Variants in KCNE1 observed in about 807,000 individuals in gnomAD.
The protein encoded by KCNE1 is potassium voltage-gated channel subfamily E regulatory subunit 1, also known as potassium voltage-gated channel subfamily E member 1.
In KCNE1, 1 loss-of-function variant was observed where a neutral mutation model predicts 2.9. The ratio of observed to expected loss-of-function variants is 0.34; its 90% CI spans 0.12 to 1.62. KCNE1 has a LOEUF of 1.62. Ranked by LOEUF, KCNE1 falls within the 40% of genes most tolerant of loss-of-function variation. The pLI is 0.36. For synonymous variants in KCNE1, 23 were observed against 65.4 expected, an observed-to-expected ratio of 0.35 and a Z score of 3.13; for missense variants, 45 against 150.5, an observed-to-expected ratio of 0.30 and a Z score of 3.67.
rs142511345 is a variant in KCNE1, at chr21:34,449,261, G to A, written c.374C>T (p.Thr125Met). The A allele has an allele frequency of 1.2e-4, 118 of 998,488 alleles. 1 individual carries two copies. The highest frequency in any genetic ancestry group is 8.1e-4 in the African/African-American group (45 of 55,630). The allele number at this position is 998,488 out of a possible 1,614,324, so 61.9% of individuals were successfully genotyped here. Reference sequence around the variant, plus strand: ...TGGTGGGGTTCATGGGGAAGGCTTCGTCTCAGGAAGGTGTGTGTTGGGTTG... The same window carrying A: ...TGGTGGGGTTCATGGGGAAGGCTTCATCTCAGGAAGGTGTGTGTTGGGTTG... ...IEQPNTHLPETKPSP is the reference protein window; with the variant it reads ...IEQPNTHLPEMKPSP Residue 125 changes from threonine to methionine, a missense_variant, in exon 4 of 4, where the codon ACG becomes ATG. Transcript: ENST00000399286.
chr21:34,505,747 T>C (rs935171622), intron 2 of KCNE1, among the ~76,000 whole-genome samples: 5 of 152,338 alleles, frequency 3.3e-5, no homozygotes, highest in East Asian at 1.9e-4. Context: ...ATTTCTACAC[T>C]TGATCCCCTC....
chr21:34,499,658 C>A (rs1276526866), intron 2 of KCNE1, among the ~76,000 whole-genome samples: 1 of 152,320 alleles, frequency 6.6e-6, no homozygotes, highest in South Asian at 2.1e-4. Context: ...TCCATTTCAG[C>A]TGTAGATACG....
chr21:34,506,758 G>A (rs1983512520), intron 2 of KCNE1, among the ~76,000 whole-genome samples: 1 of 152,270 alleles, frequency 6.6e-6, no homozygotes, highest in African/African-American at 2.4e-5. Flanking sequence ...GGGCAGGGAA[G>A]CCAACTGTTG....
chr21:34,497,720 G>A (rs1982900879), intron 2 of KCNE1, among the ~76,000 whole-genome samples: 1 of 152,080 alleles, frequency 6.6e-6, no homozygotes, highest in South Asian at 2.1e-4. Context: ...TGATATCTAG[G>A]TCTCTAGCAA....
At chr21:34,497,431 C>T (rs1163617375) in intron 2 of KCNE1, among the ~76,000 whole-genome samples, 1 of 152,156 alleles carries the variant, frequency 6.6e-6, no homozygotes, top group East Asian at 1.9e-4. Context: ...ATCTCTCTTT[C>T]ATTTATGAAG....
intron 2 of KCNE1, among the ~76,000 whole-genome samples, chr21:34,503,969 C>T (rs749011676): frequency 3.9e-5 from 6 of 152,170 alleles, no homozygotes; most frequent in Non-Finnish European, 8.8e-5. Context: ...ATGTACATGC[C>T]CACAGCTACC....
At chr21:34,502,987 C>T (rs985452566) in intron 2 of KCNE1, among the ~76,000 whole-genome samples, 5 of 152,248 alleles carry the variant, frequency 3.3e-5, no homozygotes, top group Non-Finnish European at 4.4e-5. Context: ...TTTTCCCACA[C>T]GTATCAGTAA....
intron 2 of KCNE1, among the ~76,000 whole-genome samples, chr21:34,499,796 G>A (rs983847184): frequency 4.6e-5 from 7 of 152,102 alleles, no homozygotes; most frequent in Admixed American, 2.6e-4. Flanking sequence ...AATTTGCAGC[G>A]GTGTGCCACT....
At chr21:34,498,093 T>C (rs1187735672) in intron 2 of KCNE1, among the ~76,000 whole-genome samples, 1 of 152,184 alleles carries the variant, frequency 6.6e-6, no homozygotes, top group Non-Finnish European at 1.5e-5. Flanking sequence ...ATATCCTGTA[T>C]TGTCTTTTTA....
chr21:34,497,664 G>T (rs1244195272), intron 2 of KCNE1, among the ~76,000 whole-genome samples: 1 of 152,110 alleles, frequency 6.6e-6, no homozygotes, highest in African/African-American at 2.4e-5. Context: ...ATGCCTAGAT[G>T]ATGATCTATT....
At chr21:34,507,074 G>C (rs1389177942) in intron 2 of KCNE1, among the ~76,000 whole-genome samples, 1 of 152,236 alleles carries the variant, frequency 6.6e-6, no homozygotes, top group East Asian at 1.9e-4. Context: ...AGGAGGCTGA[G>C]ACTGGTCTTC....
chr21:34,511,572 G>A (rs1017243997), intron 1 of KCNE1, among the ~76,000 whole-genome samples: 2 of 150,954 alleles, frequency 1.3e-5, no homozygotes, highest in African/African-American at 4.9e-5. Context: ...CCAGAACCAT[G>A]AGCCAAATGC....
chr21:34,498,520 C>T (rs375288312), intron 2 of KCNE1, among the ~76,000 whole-genome samples: 53 of 152,298 alleles, frequency 3.5e-4, no homozygotes, highest in African/African-American at 8.2e-4. Context: ...GCTGGTGCTG[C>T]GGAATGTCTG....
chr21:34,503,103 T>C (rs890709523), intron 2 of KCNE1, among the ~76,000 whole-genome samples: 5 of 152,330 alleles, frequency 3.3e-5, no homozygotes, highest in East Asian at 1.9e-4. Context: ...GGCTTAGTCC[T>C]ATAAGACTCT....
rs190763911 is a variant in KCNE1, at chr21:34,512,066, G to A, written c.-416C>T. On this transcript the variant is annotated 5_prime_UTR_variant, in exon 1 of 4. Transcript: ENST00000399286. ...CAAAGGACTCGGGGACTCTGCTGCA[G>A]TCATCCTAGCACGGTCGAGAGGAGT... 6.6e-6 allele frequency: 1 copy of A among 152,418 alleles called. No homozygotes were observed. Among genetic ancestry groups the A allele is most frequent in the Non-Finnish European group, 1.5e-5 (1 of 68,094 alleles). 9.4% of individuals were successfully genotyped at this position (152,418 alleles called of 1,614,324 possible).
Position 34,451,667 on chromosome 21 carries a change from C to T in KCNE1, c.-50-1983G>A. 3.1e-5 allele frequency among the ~76,000 whole-genome samples: 2 copies of T among 64,156 alleles called. 1 individual carries two copies. Among genetic ancestry groups the T allele is most frequent in the Non-Finnish European group, 6.0e-5 (2 of 33,598 alleles). The allele number at this position is 64,156 out of a possible 152,430, so 42.1% of individuals were successfully genotyped here. On this transcript the variant is annotated intron_variant, in intron 3 of 3. Transcript: ENST00000399286. ...CAGCTGAAGACATCTGGCACCTTTCCGAGGCCCCTCTTCCTCTACCCATCT... is the reference window on the plus strand; with the variant it reads ...CAGCTGAAGACATCTGGCACCTTTCTGAGGCCCCTCTTCCTCTACCCATCT...
chr21:34,511,188 C>T lies in KCNE1; in HGVS notation c.-249G>A. On this transcript the variant is annotated 5_prime_UTR_variant, in exon 2 of 4. Coordinates refer to ENST00000399286, the MANE Select transcript of KCNE1 (RefSeq NM_000219.6). ...CCTTCTCTTCAGGTGGTCTTAGGAA[C>T]TTCTCAGAACTTTTTGAGTTATCCT... 2 of 985,756 alleles carry T rather than the reference C, an allele frequency of 2.0e-6. No individual in the cohort carries two copies. The highest frequency in any genetic ancestry group is 2.4e-6 in the Non-Finnish European group (2 of 830,188). 61.1% of individuals were successfully genotyped at this position (985,756 alleles called of 1,614,324 possible). A position where few individuals can be genotyped will look rare whatever the true frequency, so the allele number is the denominator to read the frequency against.
At chr21:34,501,006 C>T (rs746776203) in intron 2 of KCNE1, among the ~76,000 whole-genome samples, 11 of 152,318 alleles carry the variant, frequency 7.2e-5, no homozygotes, top group Non-Finnish European at 1.5e-4. Flanking sequence ...GGGGACAAGA[C>T]TCAAGACTCA....
At chr21:34,502,810 T>C (rs1983248379) in intron 2 of KCNE1, among the ~76,000 whole-genome samples, 1 of 152,152 alleles carries the variant, frequency 6.6e-6, no homozygotes, top group Non-Finnish European at 1.5e-5. Context: ...TGATCAGAGG[T>C]CACAACACTC....
Sources: gnomAD v4.1 joint callset for allele counts (sites outside exome capture counted in the v4.1 genomes callset) on GRCh38, gnomAD v4.1.1 for gene constraint, MANE v1.5 for transcripts, NCBI Gene and HGNC (gene_info 2026-07-23, HGNC 2026-07-21) for gene names.